The following EYS variants were observed in gnomAD, a reference collection of about 807,000 sequenced individuals.
EYS encodes the protein EGF-like photoreceptor maintenance factor, also known as protein eyes shut homolog.
In EYS, 250 loss-of-function variants were observed where a neutral mutation model predicts 282.1. The ratio of observed to expected loss-of-function variants is 0.89; its 90% CI spans 0.80 to 0.98. The LOEUF (loss-of-function observed/expected upper bound fraction) is 0.98, where lower values mean the gene tolerates loss of function less well. EYS is among the 50% of genes least tolerant of loss of function. The probability of loss-of-function intolerance (pLI) is 0.00; values close to 1 mark genes in which losing one functional copy is unlikely to be tolerated. For synonymous variants in EYS, 1,355 were observed against 1,282.9 expected, an observed-to-expected ratio of 1.06 and a Z score of -1.20; for missense variants, 4,016 against 3,709.0, an observed-to-expected ratio of 1.08 and a Z score of -2.15.
chr6:65,010,485 A>C (rs993978725), intron 13 of EYS, among the ~76,000 whole-genome samples: 1 of 152,230 alleles, frequency 6.6e-6, no homozygotes, highest in African/African-American at 2.4e-5. Context: ...AAGATAGAAC[A>C]TAACTGTCAA....
intron 35 of EYS, among the ~76,000 whole-genome samples, chr6:63,961,697 T>G (rs1241776325): frequency 6.6e-6 from 1 of 152,170 alleles, no homozygotes; most frequent in African/African-American, 2.4e-5. Context: ...AAGTCTCTTT[T>G]ATAGGGGAAG....
intron 12 of EYS, among the ~76,000 whole-genome samples, chr6:65,162,243 T>C (rs554066954): frequency 1.3e-5 from 2 of 151,386 alleles, no homozygotes; most frequent in Admixed American, 1.3e-4. Context: ...CTCAGGATTC[T>C]ATGAGACAAG....
chr6:65,547,526 T>C (rs1344479632), intron 2 of EYS, among the ~76,000 whole-genome samples: 1 of 152,180 alleles, frequency 6.6e-6, no homozygotes. Flanking sequence ...TGTATGTGAA[T>C]GTTTGCATGC....
chr6:65,170,218 G>T (rs12209233), intron 12 of EYS, among the ~76,000 whole-genome samples: 2 of 150,666 alleles, frequency 1.3e-5, no homozygotes, highest in Non-Finnish European at 3.0e-5. Context: ...GCACACACGC[G>T]CGCGTGCACG....
intron 36 of EYS, among the ~76,000 whole-genome samples, chr6:63,826,319 G>C (rs1486421901): frequency 6.6e-6 from 1 of 152,176 alleles, no homozygotes; most frequent in Non-Finnish European, 1.5e-5. Flanking sequence ...ACGTATTTGG[G>C]GGGATAATTG....
chr6:63,854,292 A>G (rs1028168232), intron 36 of EYS, among the ~76,000 whole-genome samples: 2 of 152,206 alleles, frequency 1.3e-5, no homozygotes, highest in African/African-American at 4.8e-5. Flanking sequence ...GAATGAGTTC[A>G]TGTCCTTTGT....
At chr6:65,181,751 A>G (rs1157160076) in intron 12 of EYS, among the ~76,000 whole-genome samples, 2 of 152,146 alleles carry the variant, frequency 1.3e-5, no homozygotes, top group Non-Finnish European at 2.9e-5. Flanking sequence ...ATAAAGACAC[A>G]TGCACACGTA....
At chr6:65,584,760 A>G (rs1404944480) in intron 2 of EYS, among the ~76,000 whole-genome samples, 2 of 151,820 alleles carry the variant, frequency 1.3e-5, no homozygotes, top group South Asian at 2.1e-4. Flanking sequence ...TGGATGATAT[A>G]CATATCTTTA....
At chr6:65,494,294 T>C (rs886612278) in intron 4 of EYS, among the ~76,000 whole-genome samples, 2 of 151,858 alleles carry the variant, frequency 1.3e-5, no homozygotes, top group African/African-American at 4.8e-5. Flanking sequence ...TTTATCTTTT[T>C]TGAGACGGAG....
At chr6:64,811,579 G>A (rs1764598190) in intron 22 of EYS, among the ~76,000 whole-genome samples, 1 of 152,112 alleles carries the variant, frequency 6.6e-6, no homozygotes, top group African/African-American at 2.4e-5. Context: ...ACAGTGAATA[G>A]ACCTTTAAAA....
intron 12 of EYS, among the ~76,000 whole-genome samples, chr6:65,273,442 G>T (rs1332872785): frequency 6.6e-6 from 1 of 151,648 alleles, no homozygotes; most frequent in Non-Finnish European, 1.5e-5. Flanking sequence ...GCAAGGCAAG[G>T]GTTACAAAGA....
intron 5 of EYS, among the ~76,000 whole-genome samples, chr6:65,416,336 A>C (rs1767231445): frequency 2.6e-5 from 4 of 152,038 alleles, no homozygotes; most frequent in Admixed American, 2.6e-4. Context: ...ATTTATTAAA[A>C]GATGTTCATG....
chr6:65,676,276 A>G lies in EYS; in HGVS notation c.-448+30859T>C, dbSNP rs1474695668. ...AATAGAAAAACAATTTTAAAAATCA[A>G]CAAAAATAAGAATTGGTTTATTGAA... On this transcript the variant is annotated intron_variant, in intron 1 of 42. Coordinates refer to ENST00000503581, the MANE Select transcript of EYS (RefSeq NM_001142800.2). Among the ~76,000 whole-genome samples, 3 of 151,848 alleles carry G rather than the reference A, an allele frequency of 2.0e-5. No homozygotes were observed. In the East Asian group the frequency reaches 5.8e-4, roughly 29 times the overall value.
At chr6:64,142,971 C>A (rs1441309740) in intron 31 of EYS, among the ~76,000 whole-genome samples, 2 of 151,962 alleles carry the variant, frequency 1.3e-5, no homozygotes, top group East Asian at 3.9e-4. Context: ...TGTGGTATAT[C>A]CAAACAATGA....
At chr6:64,661,564 T>G (rs1248844882) in intron 22 of EYS, among the ~76,000 whole-genome samples, 6 of 151,806 alleles carry the variant, frequency 4.0e-5, no homozygotes, top group Non-Finnish European at 7.4e-5. Context: ...CCATCAAAAA[T>G]TGGGCGAAGG....
intron 31 of EYS, among the ~76,000 whole-genome samples, chr6:64,124,367 G>A (rs151317639): frequency 4.2e-4 from 64 of 152,234 alleles, no homozygotes; most frequent in African/African-American, 1.5e-3. Context: ...GGAAAGTTTT[G>A]GAAAGCTGGC....
At chr6:65,377,702 G>A (rs796804998) in intron 8 of EYS, among the ~76,000 whole-genome samples, 10 of 151,876 alleles carry the variant, frequency 6.6e-5, no homozygotes, top group Non-Finnish European at 1.2e-4. Flanking sequence ...TATCAACACC[G>A]ATCCCACAGA....
chr6:64,869,812 G>A (rs1467206258), intron 19 of EYS, among the ~76,000 whole-genome samples: 1 of 151,424 alleles, frequency 6.6e-6, no homozygotes, highest in Non-Finnish European at 1.5e-5. Context: ...AAATGAGAGG[G>A]CATTCAATTA....
intron 30 of EYS, among the ~76,000 whole-genome samples, chr6:64,266,932 T>C (rs996118549): frequency 1.3e-5 from 2 of 152,150 alleles, no homozygotes; most frequent in Admixed American, 6.5e-5. Context: ...TAAAAATACC[T>C]GATGTTTTGA....
Sources: allele counts gnomAD v4.1 joint callset (sites outside exome capture counted in the v4.1 genomes callset), GRCh38; gene constraint gnomAD v4.1.1; transcripts MANE v1.5; gene names NCBI Gene and HGNC (gene_info 2026-07-23, HGNC 2026-07-21).